MGAT5: variants seen among roughly 807,000 people sequenced by gnomAD.
The protein encoded by MGAT5 is alpha-1,6-mannosylglycoprotein 6-beta-N-acetylglucosaminyltransferase.
Under a neutral mutation model 94.3 loss-of-function variants are expected in MGAT5, and 30 were observed. The ratio of observed to expected loss-of-function variants is 0.32; its 90% CI spans 0.24 to 0.43. MGAT5 has a LOEUF of 0.43. Ranked by LOEUF, MGAT5 falls within the 20% of genes least tolerant of loss-of-function variation. MGAT5 has a pLI of 1.00. For synonymous variants in MGAT5, 310 were observed against 322.9 expected (o/e 0.96, Z 0.43); for missense variants, 691 against 905.5 (o/e 0.76, Z 3.04).
At chr2:134,222,134 G>A (rs894036637) in intron 1 of MGAT5, among the ~76,000 whole-genome samples, 5 of 132,888 alleles carry the variant, frequency 3.8e-5, no homozygotes, top group African/African-American at 1.4e-4. Flanking sequence ...GTCAGGCCTA[G>A]GGTTTAGTCT....
chr2:134,268,488 G>A lies in MGAT5; in HGVS notation c.242-1898G>A, dbSNP rs553648415. Reference sequence around the variant, plus strand: ...GTGACAGAACAGGTGACTGACTCCCGCTGTCTGTGCCAACTAATGATGTGC... The same window carrying A: ...GTGACAGAACAGGTGACTGACTCCCACTGTCTGTGCCAACTAATGATGTGC... On this transcript the variant is annotated intron_variant, in intron 1 of 15. Coordinates refer to ENST00000281923, the MANE Select transcript of MGAT5 (RefSeq NM_002410.5). This position sits in a 1 kb window ranked among gnomAD's most constrained non-coding sequence, Gnocchi z 4.1. 2.0e-5 allele frequency among the ~76,000 whole-genome samples: 3 copies of A among 152,304 alleles called. No individual in the cohort carries two copies. Among genetic ancestry groups the A allele is most frequent in the South Asian group, 2.1e-4 (1 of 4,830 alleles).
intron 1 of MGAT5, among the ~76,000 whole-genome samples, chr2:134,137,990 GTT>G (rs1175229355): frequency 7.2e-6 from 1 of 139,300 alleles, no homozygotes; most frequent in African/African-American, 2.6e-5. Context: ...AATTAGGCCT[GTT>G]TTTTTTTTTT....
intron 12 of MGAT5, 147 bp downstream of exon 12, chr2:134,413,162 T>C (rs1460129465): frequency 1.1e-6 from 1 of 887,154 alleles, no homozygotes; most frequent in Admixed American, 2.7e-5. Context: ...CCTGATCACA[T>C]CACCTTGCAA....
chr2:134,453,525 T>G lies in MGAT5; in HGVS notation c.*4678T>G, dbSNP rs1409715250. The G allele has an allele frequency of 2.0e-5, 3 of 152,230 alleles. No individual in the cohort carries two copies. Among genetic ancestry groups the G allele is most frequent in the African/African-American group, 7.2e-5 (3 of 41,462 alleles). 9.4% of individuals were successfully genotyped at this position (152,230 alleles called of 1,614,324 possible). A position where few individuals can be genotyped will look rare whatever the true frequency, so the allele number is the denominator to read the frequency against. ...TCAAAGTTAACAGTATTCCTTTGAATGCAATAATAGAGGCTTTTCTGCGTT... is the reference window on the plus strand; with the variant it reads ...TCAAAGTTAACAGTATTCCTTTGAAGGCAATAATAGAGGCTTTTCTGCGTT... On this transcript the variant is annotated 3_prime_UTR_variant, in exon 16 of 16. Transcript: ENST00000281923.
At chr2:134,182,267 T>TA (rs1469524885) in intron 1 of MGAT5, among the ~76,000 whole-genome samples, 17 of 152,210 alleles carry the variant, frequency 1.1e-4, no homozygotes, top group Non-Finnish European at 2.1e-4. Context: ...TGATCTGACC[T>TA]GTTGTCATCT....
chr2:134,345,585 A>T (rs6430508), intron 8 of MGAT5, among the ~76,000 whole-genome samples: 2,428 of 152,318 alleles, frequency 0.016, 59 homozygotes, highest in African/African-American at 0.055. Context: ...TTAGTAGAGT[A>T]GCTCAGTGTT....
chr2:134,351,996 A>G (rs1450444704), intron 9 of MGAT5, among the ~76,000 whole-genome samples: 1 of 152,176 alleles, frequency 6.6e-6, no homozygotes, highest in African/African-American at 2.4e-5. Context: ...AAACTGCACC[A>G]AGATACCATG....
chr2:134,127,494 TTC>T lies in MGAT5; in HGVS notation c.-143+7204_-143+7205del, dbSNP rs1553482426. On this transcript the variant is annotated intron_variant, in intron 1 of 16. Transcript: ENST00000409645. ...CAGTGAGCTCCTTCAAGGAAAAGGT[TTC>T]CCCCCCCCCCAGGCTTGTTCCAACC... Among the ~76,000 whole-genome samples, 163 of 124,952 alleles carry T rather than the reference TTC, an allele frequency of 1.3e-3. 5 individuals are homozygous for T. The highest frequency in any genetic ancestry group is 4.7e-3 in the African/African-American group (129 of 27,616). 82.0% of individuals were successfully genotyped at this position (124,952 alleles called of 152,430 possible).
At chr2:134,173,145 A>T (rs78341322) in intron 1 of MGAT5, among the ~76,000 whole-genome samples, 6,920 of 152,276 alleles carry the variant, frequency 0.045, 437 homozygotes, top group East Asian at 0.26. Flanking sequence ...ATCTCTAAAA[A>T]CATGAGATTT....
intron 1 of MGAT5, among the ~76,000 whole-genome samples, chr2:134,189,602 G>GTTTTGTTTTGTTTTGTTTTTTT (rs1553490380): frequency 3.5e-5 from 3 of 84,654 alleles, no homozygotes; most frequent in Admixed American, 1.3e-4. Flanking sequence ...GTTTTTTTTT[G>GTTTTGTTTTGTTTTGTTTTTTT]TTTTTTTTTT....
At chr2:134,385,406 T>C (rs1005733654) in intron 10 of MGAT5, among the ~76,000 whole-genome samples, 12 of 152,240 alleles carry the variant, frequency 7.9e-5, no homozygotes, top group Admixed American at 5.2e-4. Flanking sequence ...TCAGCATTTA[T>C]GTCAAGACAG....
At chr2:134,240,620 T>G (rs1194182532) in intron 1 of MGAT5, among the ~76,000 whole-genome samples, 1 of 152,214 alleles carries the variant, frequency 6.6e-6, no homozygotes, top group Non-Finnish European at 1.5e-5. Context: ...TTAGGAAAAG[T>G]TAAATTGAAG....
intron 10 of MGAT5, among the ~76,000 whole-genome samples, chr2:134,367,525 G>A (rs180805535): frequency 1.3e-3 from 191 of 152,346 alleles, no homozygotes; most frequent in Middle Eastern, 3.4e-3. Flanking sequence ...CAGACTGTGT[G>A]ACCCACAAAG....
intron 7 of MGAT5, among the ~76,000 whole-genome samples, chr2:134,341,991 A>T (rs758555991): frequency 3.3e-5 from 5 of 152,178 alleles, no homozygotes; most frequent in Non-Finnish European, 7.3e-5. Flanking sequence ...GAATGCCAGA[A>T]AATTCAAACT....
At chr2:134,131,011 C>T (rs574072386) in intron 1 of MGAT5, among the ~76,000 whole-genome samples, 2 of 152,232 alleles carry the variant, frequency 1.3e-5, no homozygotes, top group African/African-American at 2.4e-5. Context: ...TGGCAACCCC[C>T]TGGGGTCCCC....
intron 2 of MGAT5, among the ~76,000 whole-genome samples, chr2:134,308,107 T>C (rs750109625): frequency 6.6e-5 from 10 of 152,194 alleles, no homozygotes; most frequent in Non-Finnish European, 1.3e-4. Context: ...ATTGTGAGGC[T>C]CAATCGAGTA....
At chr2:134,171,221 C>G (rs1210723301) in intron 1 of MGAT5, among the ~76,000 whole-genome samples, 3 of 152,112 alleles carry the variant, frequency 2.0e-5, no homozygotes, top group Admixed American at 2.0e-4. Flanking sequence ...CAGGGAGAAA[C>G]AGCTACAAGG....
At chr2:134,401,671 A>G (rs565038311) in intron 10 of MGAT5, among the ~76,000 whole-genome samples, 1 of 152,362 alleles carries the variant, frequency 6.6e-6, no homozygotes, top group Admixed American at 6.5e-5. Context: ...TAATGAATTC[A>G]GCATCTTGCG....
At chr2:134,271,379 A>G (rs1008759150) in intron 2 of MGAT5, among the ~76,000 whole-genome samples, 2 of 152,160 alleles carry the variant, frequency 1.3e-5, no homozygotes, top group African/African-American at 4.8e-5. Context: ...CTTTGGGTGA[A>G]TGGTTGTGAA....
Sources: gnomAD v4.1 joint callset for allele counts (sites outside exome capture counted in the v4.1 genomes callset) on GRCh38, gnomAD v4.1.1 for gene constraint, Gnocchi (gnomAD v3.1) non-coding constraint, MANE v1.5 for transcripts, NCBI Gene and HGNC (gene_info 2026-07-23, HGNC 2026-07-21) for gene names.